CAPZB: variants seen among roughly 807,000 people sequenced by gnomAD.
The protein encoded by CAPZB is capping actin protein of muscle Z-line subunit beta.
CAPZB carries 2 observed loss-of-function variants against 38.1 expected under a neutral mutation model. That is an observed-to-expected ratio of 0.05 (90% CI 0.02 to 0.17). The LOEUF (loss-of-function observed/expected upper bound fraction) is 0.17, where lower values mean the gene tolerates loss of function less well. Among genes scored for constraint, CAPZB ranks in the 10% least tolerant of loss-of-function variants. CAPZB has a pLI of 1.00. For missense variants in CAPZB, 161 were observed against 334.2 expected (o/e 0.48, Z 4.04); for synonymous variants, 107 against 127.4 (o/e 0.84, Z 1.08).
chr1:19,406,452 C>A (rs977851745), intron 2 of CAPZB, among the ~76,000 whole-genome samples: 4 of 152,146 alleles, frequency 2.6e-5, no homozygotes, highest in Admixed American at 2.6e-4. Context: ...GGAAGCTACC[C>A]ACTACGGAGA....
intron 1 of CAPZB, among the ~76,000 whole-genome samples, chr1:19,425,318 C>A (rs1161746265): frequency 6.6e-6 from 1 of 152,204 alleles, no homozygotes; most frequent in Non-Finnish European, 1.5e-5. Context: ...AATTCTCTGT[C>A]CATTCAATTA....
intron 6 of CAPZB, among the ~76,000 whole-genome samples, chr1:19,350,353 G>A (rs1405478223): frequency 3.3e-5 from 5 of 152,262 alleles, no homozygotes; most frequent in Middle Eastern, 3.2e-3. Context: ...GCCTAGAGCG[G>A]GACTTGCCAG....
At chr1:19,386,884 T>A (rs1472567) in intron 2 of CAPZB, among the ~76,000 whole-genome samples, 97,546 of 152,176 alleles carry the variant, frequency 0.64, 31,485 homozygotes, top group African/African-American at 0.71. Context: ...AACCCCTGTG[T>A]ACAATGTGCT....
At chr1:19,431,274 T>C (rs927202057) in intron 1 of CAPZB, among the ~76,000 whole-genome samples, 1 of 152,196 alleles carries the variant, frequency 6.6e-6, no homozygotes, top group African/African-American at 2.4e-5. Flanking sequence ...TTAGGAATGG[T>C]CAACCAGTAA....
At chr1:19,418,022 G>A (rs947535505) in intron 2 of CAPZB, among the ~76,000 whole-genome samples, 1 of 150,964 alleles carries the variant, frequency 6.6e-6, no homozygotes, top group African/African-American at 2.4e-5. Context: ...TGTAATCCCA[G>A]CTACTGGGGA....
intron 2 of CAPZB, among the ~76,000 whole-genome samples, chr1:19,405,831 C>T (rs939865318): frequency 6.6e-6 from 1 of 152,214 alleles, no homozygotes; most frequent in Non-Finnish European, 1.5e-5. Context: ...AACATCAATT[C>T]GAGAGCTCGC....
intron 2 of CAPZB, among the ~76,000 whole-genome samples, chr1:19,396,496 T>G (rs1178423992): frequency 6.6e-6 from 1 of 152,180 alleles, no homozygotes; most frequent in Admixed American, 6.5e-5. Flanking sequence ...CCGCCTGCTG[T>G]GGAGCTGCCG....
intron 2 of CAPZB, among the ~76,000 whole-genome samples, chr1:19,401,454 G>A (rs567136858): frequency 6.1e-4 from 93 of 152,240 alleles, no homozygotes; most frequent in African/African-American, 2.1e-3. Flanking sequence ...ACCAATGGGT[G>A]ATCAAGGAGT....
chr1:19,346,351 CT>C (rs2100252846), intron 6 of CAPZB, among the ~76,000 whole-genome samples: 1 of 148,572 alleles, frequency 6.7e-6, no homozygotes, highest in East Asian at 2.0e-4. Context: ...AAATGCAGTA[CT>C]CTAAGGCTAA....
intron 1 of CAPZB, among the ~76,000 whole-genome samples, chr1:19,468,743 C>G (rs1269866669): frequency 6.6e-6 from 1 of 151,184 alleles, no homozygotes; most frequent in African/African-American, 2.4e-5. Flanking sequence ...TTAAATTAGT[C>G]ATTTCCCCAG....
intron 2 of CAPZB, among the ~76,000 whole-genome samples, chr1:19,412,008 C>G (rs1256404568): frequency 6.6e-6 from 1 of 152,204 alleles, no homozygotes; most frequent in East Asian, 1.9e-4. Flanking sequence ...CTCCCTGCCT[C>G]AGTCCCCACA....
intron 2 of CAPZB, among the ~76,000 whole-genome samples, chr1:19,416,860 CAAAAAAAAAAAAAAAA>C (rs59789230): frequency 8.6e-5 from 6 of 69,452 alleles, no homozygotes; most frequent in Admixed American, 3.7e-4. Flanking sequence ...GACCCTGTCT[CAAAAAAAAAAAAAAAA>C]AAAAAAAAAA....
chr1:19,483,131 C>T (rs184323130), intron 1 of CAPZB, among the ~76,000 whole-genome samples: 17 of 152,296 alleles, frequency 1.1e-4, no homozygotes, highest in Non-Finnish European at 2.4e-4. Flanking sequence ...GCTAAATATG[C>T]CTGTATCACC....
rs375588959 is a variant in CAPZB, at chr1:19,339,521, A to C, written c.*9T>G. The C allele has an allele frequency of 1.6e-5, 26 of 1,603,960 alleles. No individual in the cohort carries two copies. The African/African-American group carries it at 2.7e-4, about 16-fold the overall frequency. ...TGCACGGCGTGTCTGGTTAGCATGA[A>C]ACAGAGGTTTAGCATTGCTGCTTTC... On this transcript the variant is annotated 3_prime_UTR_variant, in exon 9 of 9. Transcript: ENST00000264202.
At chr1:19,473,986 C>A (rs548102382) in intron 1 of CAPZB, among the ~76,000 whole-genome samples, 1 of 151,998 alleles carries the variant, frequency 6.6e-6, no homozygotes, top group Admixed American at 6.6e-5. Flanking sequence ...TAAGCTATAG[C>A]ATTTTATGTA....
intron 2 of CAPZB, among the ~76,000 whole-genome samples, chr1:19,389,082 A>G (rs372179956): frequency 1.4e-4 from 22 of 152,268 alleles, no homozygotes; most frequent in African/African-American, 5.3e-4. Flanking sequence ...GCTCTGGAAT[A>G]ATAACATTTT....
intron 4 of CAPZB, among the ~76,000 whole-genome samples, chr1:19,366,217 T>C (rs1558189588): frequency 6.8e-6 from 1 of 146,098 alleles, no homozygotes; most frequent in African/African-American, 2.6e-5. Flanking sequence ...GAGGCCAAGG[T>C]GGGGGGATCA....
intron 2 of CAPZB, among the ~76,000 whole-genome samples, chr1:19,416,677 C>T (rs952106703): frequency 6.6e-6 from 1 of 151,710 alleles, no homozygotes; most frequent in African/African-American, 2.4e-5. Flanking sequence ...ATAGGGAGAA[C>T]CAGTCTCTAT....
intron 1 of CAPZB, among the ~76,000 whole-genome samples, chr1:19,445,247 T>C (rs941516094): frequency 2.6e-5 from 4 of 151,978 alleles, no homozygotes; most frequent in African/African-American, 9.7e-5. Flanking sequence ...TGTGACCCAA[T>C]AGGAAAAAGC....
Sources: allele counts gnomAD v4.1 joint callset (sites outside exome capture counted in the v4.1 genomes callset), GRCh38; gene constraint gnomAD v4.1.1; transcripts MANE v1.5; gene names NCBI Gene and HGNC (gene_info 2026-07-23, HGNC 2026-07-21).